The following IFFO2 variants were observed in gnomAD, a reference collection of about 807,000 sequenced individuals.
IFFO2 encodes intermediate filament family orphan 2.
In IFFO2, 19 loss-of-function variants were observed where a neutral mutation model predicts 53.5. That is an observed-to-expected ratio of 0.36 (90% CI 0.25 to 0.52). The LOEUF is 0.52. Ranked by LOEUF, IFFO2 falls within the 20% of genes least tolerant of loss-of-function variation. The probability of loss-of-function intolerance (pLI) is 0.94; values close to 1 mark genes in which losing one functional copy is unlikely to be tolerated. For missense variants in IFFO2, 570 were observed against 727.4 expected, an observed-to-expected ratio of 0.78 and a Z score of 2.49; for synonymous variants, 303 against 313.6, an observed-to-expected ratio of 0.97 and a Z score of 0.36.
At chr1:18,908,744 C>T in intron 8 of IFFO2, 78 bp from the exon 9 acceptor site, 2 of 986,020 alleles carry the variant, frequency 2.0e-6, no homozygotes, top group Non-Finnish European at 3.2e-6. Context: ...GAAGGCTGAG[C>T]TGCCACTTCT....
intron 1 of IFFO2, among the ~76,000 whole-genome samples, chr1:18,940,073 T>C (rs1323338089): frequency 1.3e-5 from 2 of 151,832 alleles, no homozygotes; most frequent in Non-Finnish European, 2.9e-5. Context: ...TGCGGGAGGG[T>C]GTCATCTCAG....
intron 1 of IFFO2, among the ~76,000 whole-genome samples, chr1:18,951,678 T>A (rs1936661800): frequency 6.6e-6 from 1 of 152,186 alleles, no homozygotes; most frequent in South Asian, 2.1e-4. Flanking sequence ...GGGACCTTTT[T>A]CTTGACAGCC....
Position 18,956,196 on chromosome 1 carries a change from A to T in IFFO2, c.137T>A (p.Leu46Gln). The T allele has an allele frequency of 7.0e-7, 1 of 1,429,506 alleles. No homozygotes were observed. Among genetic ancestry groups the T allele is most frequent in the Non-Finnish European group, 9.3e-7 (1 of 1,075,476 alleles). 88.6% of individuals were successfully genotyped at this position (1,429,506 alleles called of 1,614,324 possible). A position where few individuals can be genotyped will look rare whatever the true frequency, so the allele number is the denominator to read the frequency against. ...GPGPSPVTAALRDDLGSNIHL... is the reference protein window; with the variant it reads ...GPGPSPVTAAQRDDLGSNIHL... The stretch of plus-strand genomic sequence containing the variant: ...GATGTTGGAGCCCAGGTCGTCCCGC[A>T]GCGCCGCCGTCACCGGCGACGGACC... The change falls in exon 1 of 9, where the codon CTG (leucine) becomes CAG (glutamine). Residue 46 changes from leucine to glutamine, a missense_variant. Coordinates refer to ENST00000455833, the MANE Select transcript of IFFO2 (RefSeq NM_001136265.2). The surrounding 1 kb of genome is among the most constrained non-coding windows in gnomAD (Gnocchi z 6.4).
intron 1 of IFFO2, among the ~76,000 whole-genome samples, chr1:18,953,518 C>T (rs985551484): frequency 3.3e-5 from 5 of 152,064 alleles, no homozygotes; most frequent in African/African-American, 4.8e-5. Context: ...CAAGGAAACC[C>T]TAAAGCATCT....
At chr1:18,914,556 C>T (rs1183290086) in intron 5 of IFFO2, among the ~76,000 whole-genome samples, 1 of 152,098 alleles carries the variant, frequency 6.6e-6, no homozygotes, top group Non-Finnish European at 1.5e-5. Context: ...GTGGCTCATG[C>T]CTGTAATTCC....
chr1:18,917,134 G>A lies in IFFO2; in HGVS notation c.964-92C>T. On this transcript the variant is annotated intron_variant, in intron 4 of 8. Transcript: ENST00000455833. This position sits in a 1 kb window ranked among gnomAD's most constrained non-coding sequence, Gnocchi z 5.9. Reference sequence around the variant, plus strand: ...TGGGAAGGGAGCCGGCATCTCACAGGATGATGAGCGTGACTGGGGCCGGCC... The same window carrying A: ...TGGGAAGGGAGCCGGCATCTCACAGAATGATGAGCGTGACTGGGGCCGGCC... The A allele has an allele frequency of 7.2e-7, 1 of 1,395,816 alleles. No homozygotes were observed. Among genetic ancestry groups the A allele is most frequent in the Non-Finnish European group, 9.7e-7 (1 of 1,027,398 alleles). The allele number at this position is 1,395,816 out of a possible 1,614,324, so 86.5% of individuals were successfully genotyped here.
Position 18,919,628 on chromosome 1 carries a change from G to A in IFFO2, c.822+50C>T. Reference sequence around the variant, plus strand: ...TCGGAGGGAATGAAGCATTTTGCATGATGGGTGTGGGGGAGGTCATGACAC... The same window carrying A: ...TCGGAGGGAATGAAGCATTTTGCATAATGGGTGTGGGGGAGGTCATGACAC... On this transcript the variant is annotated intron_variant, in intron 3 of 8. Coordinates refer to ENST00000455833, the MANE Select transcript of IFFO2 (RefSeq NM_001136265.2). The surrounding 1 kb of genome is among the most constrained non-coding windows in gnomAD (Gnocchi z 4.9). 8.2e-7 allele frequency: 1 copy of A among 1,217,054 alleles called. No individual in the cohort carries two copies. Among genetic ancestry groups the A allele is most frequent in the South Asian group, 1.3e-5 (1 of 77,296 alleles). The allele number at this position is 1,217,054 out of a possible 1,614,324, so 75.4% of individuals were successfully genotyped here.
Position 18,916,226 on chromosome 1 carries a change from C to T in IFFO2, c.1103+677G>A. Among the ~76,000 whole-genome samples the T allele has an allele frequency of 6.6e-6, 1 of 152,148 alleles. No homozygotes were observed. The highest frequency in any genetic ancestry group is 1.9e-4 in the East Asian group (1 of 5,194). ...TGTCCAGAGAGAGGACAGCCCAGCC[C>T]CTGTATCTCATGGGCAAGAACACCC... On this transcript the variant is annotated intron_variant, in intron 5 of 8. Coordinates refer to ENST00000455833, the MANE Select transcript of IFFO2 (RefSeq NM_001136265.2). This position sits in a 1 kb window ranked among gnomAD's most constrained non-coding sequence, Gnocchi z 4.3.
At chr1:18,913,941 C>T (rs1027741179) in intron 5 of IFFO2, among the ~76,000 whole-genome samples, 7 of 152,302 alleles carry the variant, frequency 4.6e-5, no homozygotes, top group African/African-American at 1.2e-4. Flanking sequence ...ACGCCATTCT[C>T]CTGCCTCAGC....
intron 1 of IFFO2, among the ~76,000 whole-genome samples, chr1:18,927,527 T>G (rs556126685): frequency 6.6e-6 from 1 of 152,196 alleles, no homozygotes; most frequent in Admixed American, 6.5e-5. Flanking sequence ...CAGGGAGCTG[T>G]GCTGGAGCCC....
rs1323862973 is a variant in IFFO2, at chr1:18,938,095, G to A, written c.666-16974C>T. ...GGGAGGCCACTTGCAGCCACCCCCT[G>A]TCCCTTATCCCAAAACACTTTGACG... On this transcript the variant is annotated intron_variant, in intron 1 of 8. Coordinates refer to ENST00000455833, the MANE Select transcript of IFFO2 (RefSeq NM_001136265.2). 4.7e-5 allele frequency among the ~76,000 whole-genome samples: 4 copies of A among 85,116 alleles called. No homozygotes were observed. The East Asian group carries it at 1.0e-3, about 22-fold the overall frequency. 55.8% of individuals were successfully genotyped at this position (85,116 alleles called of 152,430 possible). A position where few individuals can be genotyped will look rare whatever the true frequency, so the allele number is the denominator to read the frequency against.
At chr1:18,948,369 G>A (rs1936616868) in intron 1 of IFFO2, among the ~76,000 whole-genome samples, 1 of 152,204 alleles carries the variant, frequency 6.6e-6, no homozygotes, top group South Asian at 2.1e-4. Flanking sequence ...TAGGGTTGCT[G>A]GGCAAGCCCA....
chr1:18,956,376 T>C lies in IFFO2; in HGVS notation c.-44A>G. The stretch of plus-strand genomic sequence containing the variant: ...AGGGCCCCGGGCCCGCGGCTCCAGG[T>C]GCGGCTCCAGCTCCGGGCAGGGCTC... On this transcript the variant is annotated 5_prime_UTR_variant, in exon 1 of 9. Coordinates refer to ENST00000455833, the MANE Select transcript of IFFO2 (RefSeq NM_001136265.2). This position sits in a 1 kb window ranked among gnomAD's most constrained non-coding sequence, Gnocchi z 6.4. The C allele has an allele frequency of 4.9e-6, 1 of 205,294 alleles. No homozygotes were observed. Among genetic ancestry groups the C allele is most frequent in the Non-Finnish European group, 9.1e-6 (1 of 109,778 alleles). 12.7% of individuals were successfully genotyped at this position (205,294 alleles called of 1,614,324 possible). A position where few individuals can be genotyped will look rare whatever the true frequency, so the allele number is the denominator to read the frequency against.
At position 18,955,894 on chromosome 1, in the gene IFFO2, C is replaced by T. The variant is rs1219232891; in HGVS notation, c.439G>A (p.Gly147Ser). 30 of 1,347,292 alleles carry T rather than the reference C, an allele frequency of 2.2e-5. 1 individual carries two copies. The highest frequency in any genetic ancestry group is 3.1e-5 in the African/African-American group (2 of 64,890). The allele number at this position is 1,347,292 out of a possible 1,614,324, so 83.5% of individuals were successfully genotyped here. The change falls in exon 1 of 9, where the codon GGC (glycine) becomes AGC (serine). Residue 147 changes from glycine (G) to serine (S), a missense_variant. By Grantham distance (56) the Gly-to-Ser change is moderately conservative. Transcript: ENST00000455833. Reference protein sequence around the residue: ...AVALGGLPPGGGSHPQHYGRL... With the variant: ...AVALGGLPPGSGSHPQHYGRL... The stretch of plus-strand genomic sequence containing the variant: ...CCGTAGTGCTGCGGGTGCGAGCCGC[C>T]GCCGGGGGGCAGGCCGCCCAGGGCC...
At chr1:18,951,067 C>G (rs907682043) in intron 1 of IFFO2, among the ~76,000 whole-genome samples, 2 of 152,190 alleles carry the variant, frequency 1.3e-5, no homozygotes, top group East Asian at 1.9e-4. Context: ...GGCCAGCCCC[C>G]CTCTGGGCCT....
chr1:18,909,822 T>G lies in IFFO2; in HGVS notation c.1448+520A>C, dbSNP rs531668850. On this transcript the variant is annotated intron_variant, in intron 8 of 8. Coordinates refer to ENST00000455833, the MANE Select transcript of IFFO2 (RefSeq NM_001136265.2). ...TATGTTGCCCAAGCTAGCTGTGAAC[T>G]CCTGGGCTCAAGCAATCCTCCCACC... 4.6e-5 allele frequency among the ~76,000 whole-genome samples: 7 copies of G among 152,254 alleles called. No homozygotes were observed. The East Asian group carries it at 9.7e-4, about 21-fold the overall frequency.
chr1:18,944,807 C>G (rs1183997758), intron 1 of IFFO2, among the ~76,000 whole-genome samples: 1 of 152,142 alleles, frequency 6.6e-6, no homozygotes, highest in African/African-American at 2.4e-5. Flanking sequence ...CCCTCAGAGC[C>G]CTGCCCCAAG....
intron 8 of IFFO2, among the ~76,000 whole-genome samples, chr1:18,909,880 G>A (rs948069974): frequency 1.3e-5 from 2 of 152,124 alleles, no homozygotes; most frequent in Non-Finnish European, 2.9e-5. Context: ...TTACAGGTGT[G>A]AGCCACCACG....
intron 6 of IFFO2, 105 bp downstream of exon 6, chr1:18,911,858 G>C (rs926541053): frequency 4.3e-6 from 6 of 1,400,652 alleles, no homozygotes; most frequent in Non-Finnish European, 5.8e-6. Flanking sequence ...CAGTTTAGCT[G>C]TGTGGTGGGG....
Sources: allele counts gnomAD v4.1 joint callset (sites outside exome capture counted in the v4.1 genomes callset), GRCh38; gene constraint gnomAD v4.1.1; non-coding constraint Gnocchi (gnomAD v3.1); transcripts MANE v1.5; gene names NCBI Gene and HGNC (gene_info 2026-07-23, HGNC 2026-07-21).